Variants in LCN1 observed in about 807,000 individuals in gnomAD.
LCN1 encodes lipocalin 1.
LCN1 carries 25 observed loss-of-function variants against 22.3 expected under a neutral mutation model. The ratio of observed to expected loss-of-function variants is 1.12; its 90% CI spans 0.82 to 1.56. LCN1 has a LOEUF of 1.56. LCN1 is among the 40% of genes most tolerant of loss of function. The pLI, the probability that LCN1 is intolerant of heterozygous loss-of-function variation, is 0.00. For synonymous variants in LCN1, 85 were observed against 97.6 expected (o/e 0.87, Z 0.76); for missense variants, 219 against 235.6 (o/e 0.93, Z 0.46).
chr9:135,526,395 C>A lies in LCN1; in HGVS notation c.*53C>A, dbSNP rs781592940. 1.6e-5 allele frequency: 21 copies of A among 1,284,938 alleles called. No homozygotes were observed. In the South Asian group the frequency reaches 2.5e-4, roughly 15 times the overall value. 79.6% of individuals were successfully genotyped at this position (1,284,938 alleles called of 1,614,324 possible). ...AGCCCAAGGACGGCACCATCCAGCACCTCCGTCATTCACAGGGACATGGAA... is the reference window on the plus strand; with the variant it reads ...AGCCCAAGGACGGCACCATCCAGCAACTCCGTCATTCACAGGGACATGGAA... On this transcript the variant is annotated 3_prime_UTR_variant, in exon 7 of 7. Transcript: ENST00000371781.
rs141659926 is a variant in LCN1 at position 135,522,118 on chromosome 9, G to A, written c.162G>A (p.Val54=). The A allele has an allele frequency of 1.9e-3, 3,033 of 1,598,656 alleles. 3 individuals carry two copies. Among genetic ancestry groups the A allele is most frequent in the Non-Finnish European group, 2.3e-3 (2,641 of 1,172,796 alleles). The change falls in exon 2 of 7, where the codon GTG becomes GTA. Residue 54 remains valine, a synonymous_variant. Coordinates refer to ENST00000371781, the MANE Select transcript of LCN1 (RefSeq NM_002297.4). ...TCCCTGAGATGAATCTGGAATCGGT[G>A]ACACCCATGACCCTCACGACCCTGG... The part of the protein sequence containing the change: ...REFPEMNLES[V]TPMTLTTLEG...
In LCN1 at chr9:135,523,986, C is replaced by T. The variant is rs746841584; in HGVS notation, c.399C>T (p.Leu133=). 11 of 1,613,076 alleles carry T rather than the reference C, an allele frequency of 6.8e-6. No homozygotes were observed. The Admixed American group carries it at 1.0e-4, about 15-fold the overall frequency. Residue 133 remains leucine (L), a synonymous_variant, in exon 4 of 7, where the codon CTC becomes CTT. Transcript: ENST00000371781. ...GGAAGCCGGTCCGAGGGGTGAAGCT[C>T]GTGGGTGGGTCCCGCACCCTCACCC... The part of the protein sequence containing the change: ...LHGKPVRGVK[L]VGRDPKNNLE...
intron 4 of LCN1, 102 bp from the exon 5 acceptor site, chr9:135,524,728 C>T (rs1287051108): frequency 4.7e-5 from 41 of 869,972 alleles, no homozygotes; most frequent in Non-Finnish European, 6.0e-5. Flanking sequence ...CCACGGTGGG[C>T]GAGGTCCCCT....
At chr9:135,525,746 C>G (rs1831624528) in intron 6 of LCN1, among the ~76,000 whole-genome samples, 1 of 152,036 alleles carries the variant, frequency 6.6e-6, no homozygotes, top group Non-Finnish European at 1.5e-5. Context: ...GCTCTGTCAG[C>G]AGCCTGCGGG....
At chr9:135,521,858 C>T (rs1181734892) in intron 1 of LCN1, among the ~76,000 whole-genome samples, 189 bp from the exon 2 acceptor site, 3 of 151,898 alleles carry the variant, frequency 2.0e-5, no homozygotes, top group East Asian at 3.9e-4. Context: ...TCCTGGCTGG[C>T]TTGTGGGGGC....
chr9:135,526,533 C>A lies in LCN1; in HGVS notation c.*191C>A. On this transcript the variant is annotated 3_prime_UTR_variant, in exon 7 of 7. Coordinates refer to ENST00000371781, the MANE Select transcript of LCN1 (RefSeq NM_002297.4). ...TTCTCCATAAAGAGCTTCAGCAGTT[C>A]CCAGTGACTCCGCCTGTCTGTGGGG... 1 of 1,215,270 alleles carries A rather than the reference C, an allele frequency of 8.2e-7. No homozygotes were observed. The highest frequency in any genetic ancestry group is 1.4e-5 in the South Asian group (1 of 69,532). 75.3% of individuals were successfully genotyped at this position (1,215,270 alleles called of 1,614,324 possible). A position where few individuals can be genotyped will look rare whatever the true frequency, so the allele number is the denominator to read the frequency against.
intron 6 of LCN1, among the ~76,000 whole-genome samples, chr9:135,526,008 C>CCCA (rs1831635443): frequency 7.4e-6 from 1 of 135,476 alleles, no homozygotes; most frequent in African/African-American, 2.9e-5. Context: ...GTGTGTACCC[C>CCCA]CACCATAGCC....
chr9:135,521,761 G>A lies in LCN1; in HGVS notation c.90+174G>A, dbSNP rs912112958. Among the ~76,000 whole-genome samples the A allele has an allele frequency of 3.3e-4, 50 of 152,008 alleles. 1 individual carries two copies. The highest frequency in any genetic ancestry group is 5.9e-4 in the Admixed American group (9 of 15,254). On this transcript the variant is annotated intron_variant, in intron 1 of 6. Coordinates refer to ENST00000371781, the MANE Select transcript of LCN1 (RefSeq NM_002297.4). The stretch of plus-strand genomic sequence containing the variant: ...GCAGGGGTCTGGGCTGGCAGGGTAG[G>A]TGGCGCAGGGGTGCAGAGTGGGCAG...
At chr9:135,525,957 A>C (rs751091885) in intron 6 of LCN1, among the ~76,000 whole-genome samples, 4 of 107,282 alleles carry the variant, frequency 3.7e-5, no homozygotes, top group Non-Finnish European at 7.4e-5. Context: ...ATCGCCCCCG[A>C]GAGCCCGCAT....
At chr9:135,524,787 C>A in intron 4 of LCN1, 43 bp from the exon 5 acceptor site, 1 of 1,494,988 alleles carries the variant, frequency 6.7e-7, no homozygotes, top group Non-Finnish European at 9.1e-7. Context: ...GCCGTCGGCC[C>A]AGTGCTGCCT....
chr9:135,524,700 C>G (rs1161402229), intron 4 of LCN1, 130 bp from the exon 5 acceptor site: 4 of 695,508 alleles, frequency 5.8e-6, no homozygotes, highest in Non-Finnish European at 9.6e-6. Context: ...GCCTGAGGGC[C>G]TCTGGGTTCA....
intron 6 of LCN1, among the ~76,000 whole-genome samples, chr9:135,525,985 C>A (rs1831634990): frequency 7.1e-6 from 1 of 141,770 alleles, no homozygotes; most frequent in Non-Finnish European, 1.5e-5. Context: ...CCACCGTAAC[C>A]CTCAAGAGCC....
At chr9:135,525,277 A>ATGGC in intron 6 of LCN1, 119 bp downstream of exon 6, 8 of 996,992 alleles carry the variant, frequency 8.0e-6, no homozygotes, top group South Asian at 3.2e-5. Context: ...GAGATGCCCC[A>ATGGC]CGTAGGTCAG....
chr9:135,523,006 A>G (rs564837276), intron 2 of LCN1, among the ~76,000 whole-genome samples: 29 of 152,302 alleles, frequency 1.9e-4, no homozygotes, highest in African/African-American at 6.0e-4. Flanking sequence ...GGCAGCCACC[A>G]GGAGGAGCGG....
chr9:135,526,140 C>A (rs1229478675), intron 6 of LCN1, among the ~76,000 whole-genome samples: 1 of 96,268 alleles, frequency 1.0e-5, no homozygotes. Context: ...CCTGCTGTGC[C>A]CCCCACACCA....
intron 4 of LCN1, among the ~76,000 whole-genome samples, chr9:135,524,318 G>T (rs1831574900): frequency 6.6e-6 from 1 of 152,180 alleles, no homozygotes; most frequent in South Asian, 2.1e-4. Context: ...CGTTCCTGTG[G>T]GGTGTCCAGC....
chr9:135,523,995 G>T lies in LCN1; in HGVS notation c.403+5G>T. The T allele has an allele frequency of 6.2e-7, 1 of 1,609,998 alleles. No homozygotes were observed. Among genetic ancestry groups the T allele is most frequent in the South Asian group, 1.1e-5 (1 of 90,986 alleles). ...TCCGAGGGGTGAAGCTCGTGGGTGG[G>T]TCCCGCACCCTCACCCTGCAACCCA... On this transcript the variant is annotated splice_donor_5th_base_variant and intron_variant, in intron 4 of 6. Coordinates refer to ENST00000371781, the MANE Select transcript of LCN1 (RefSeq NM_002297.4).
Position 135,526,303 on chromosome 9 carries a change from C to A in LCN1, c.*2-41C>A, listed in dbSNP as rs572031755. The A allele has an allele frequency of 7.4e-5, 78 of 1,050,014 alleles. No individual in the cohort carries two copies. The South Asian group carries it at 1.1e-3, about 15-fold the overall frequency. The allele number at this position is 1,050,014 out of a possible 1,614,324, so 65.0% of individuals were successfully genotyped here. The stretch of plus-strand genomic sequence containing the variant: ...CCCCCACATTGCATCCCCCTCCCAC[C>A]CTTGCTGTCCTGGCCTCACTCACCC... On this transcript the variant is annotated intron_variant, in intron 6 of 6. Coordinates refer to ENST00000371781, the MANE Select transcript of LCN1 (RefSeq NM_002297.4).
intron 2 of LCN1, among the ~76,000 whole-genome samples, chr9:135,522,750 G>C (rs1256557130): frequency 6.6e-6 from 1 of 152,230 alleles, no homozygotes; most frequent in African/African-American, 2.4e-5. Context: ...GGTCCTGGGG[G>C]CTGAATCTCA....
Sources: allele counts gnomAD v4.1 joint callset (sites outside exome capture counted in the v4.1 genomes callset), GRCh38; gene constraint gnomAD v4.1.1; transcripts MANE v1.5; gene names NCBI Gene and HGNC (gene_info 2026-07-23, HGNC 2026-07-21).